Variants in SMARCA4 observed in about 807,000 individuals in gnomAD.
SMARCA4 encodes the protein SWI/SNF-related matrix-associated actin-dependent regulator of chromatin subfamily A member 4.
A neutral mutation model predicts 193.9 loss-of-function variants in SMARCA4; 31 were observed. That is an observed-to-expected ratio of 0.16 (90% CI 0.12 to 0.22). The LOEUF (loss-of-function observed/expected upper bound fraction) is 0.22, where lower values mean the gene tolerates loss of function less well. Among genes scored for constraint, SMARCA4 ranks in the 10% least tolerant of loss-of-function variants. The pLI, the probability that SMARCA4 is intolerant of heterozygous loss-of-function variation, is 1.00. For synonymous variants in SMARCA4, 942 were observed against 933.1 expected, an observed-to-expected ratio of 1.01 and a Z score of -0.17; for missense variants, 1,148 against 2,296.0, an observed-to-expected ratio of 0.50 and a Z score of 10.22.
intron 16 of SMARCA4, chr19:11,018,428 C>G: frequency 3.7e-6 from 1 of 268,864 alleles, no homozygotes; most frequent in Non-Finnish European, 7.4e-6. Flanking sequence ...AGTTGCCGCT[C>G]CCTCCCATCC....
At chr19:11,008,982 A>G (rs918821092) in intron 14 of SMARCA4, among the ~76,000 whole-genome samples, 1 of 150,456 alleles carries the variant, frequency 6.6e-6, no homozygotes, top group African/African-American at 2.4e-5. Flanking sequence ...TCAAAAAAAA[A>G]AAAAATGTAG....
chr19:10,972,982 G>A (rs568316210), intron 1 of SMARCA4, among the ~76,000 whole-genome samples: 5 of 152,240 alleles, frequency 3.3e-5, no homozygotes, highest in South Asian at 2.1e-4. Context: ...GGCGGTGTGC[G>A]CCTGTAGTTC....
intron 15 of SMARCA4, chr19:11,011,831 A>T (rs1002617369): frequency 6.6e-6 from 1 of 152,226 alleles, no homozygotes; most frequent in East Asian, 1.9e-4. Flanking sequence ...TACTAAGTTC[A>T]GCATGAATAT....
At chr19:11,006,837 G>C (rs2088257980) in intron 13 of SMARCA4, among the ~76,000 whole-genome samples, 1 of 151,950 alleles carries the variant, frequency 6.6e-6, no homozygotes, top group Non-Finnish European at 1.5e-5. Flanking sequence ...TGTAATCCCA[G>C]CACTTTGGGA....
intron 16 of SMARCA4, among the ~76,000 whole-genome samples, chr19:11,015,489 G>A (rs542811014): frequency 6.6e-6 from 1 of 152,280 alleles, no homozygotes; most frequent in East Asian, 1.9e-4. Context: ...TGCCTTAGCG[G>A]GGAAGGCATG....
chr19:11,039,624 A>G (rs2075467331), intron 29 of SMARCA4: 1 of 761,784 alleles, frequency 1.3e-6, no homozygotes, highest in Non-Finnish European at 2.1e-6. Flanking sequence ...ATGCCCCTGA[A>G]CTGTGTACTA....
chr19:11,052,857 A>G (rs1009908396), intron 30 of SMARCA4, among the ~76,000 whole-genome samples: 4 of 152,236 alleles, frequency 2.6e-5, no homozygotes, highest in Middle Eastern at 3.4e-3. Flanking sequence ...GCACTGGGAA[A>G]TGCTCTGGGT....
intron 16 of SMARCA4, 103 bp downstream of exon 16, chr19:11,013,215 T>A: frequency 7.4e-7 from 1 of 1,350,140 alleles, no homozygotes; most frequent in East Asian, 2.5e-5. Flanking sequence ...GTGGCTTAAT[T>A]ACAGAAATTT....
Position 11,019,331 on chromosome 19 carries a change from A to G in SMARCA4, c.2506-260A>G. On this transcript the variant is annotated intron_variant, in intron 17 of 34. Coordinates refer to ENST00000344626, the MANE Select transcript of SMARCA4 (RefSeq NM_003072.5). The surrounding 1 kb of genome is among the most constrained non-coding windows in gnomAD (Gnocchi z 6.1). ...CCTGTCAGCCACCAGGAATGTGCAG[A>G]TGGCGGTGCAGGCTGCGTGGTTCCC... 1 of 605,096 alleles carries G rather than the reference A, an allele frequency of 1.7e-6. No individual in the cohort carries two copies. Among genetic ancestry groups the G allele is most frequent in the Non-Finnish European group, 2.9e-6 (1 of 339,146 alleles). 37.5% of individuals were successfully genotyped at this position (605,096 alleles called of 1,614,324 possible).
Position 11,010,384 on chromosome 19 carries a change from T to C in SMARCA4, c.2127T>C (p.Asn709=), listed in dbSNP as rs1555773230. The C allele has an allele frequency of 3.1e-6, 5 of 1,614,102 alleles. No homozygotes were observed. The highest frequency in any genetic ancestry group is 4.2e-6 in the Non-Finnish European group (5 of 1,180,014). Residue 709 remains asparagine, a synonymous_variant, in exon 15 of 35, where the codon AAT becomes AAC. Transcript: ENST00000344626. ...GGCACCTCCATCTCACTCCCAGGAA[T>C]GCCAAGCAAGATGTCGATGATGAAT... ...SEVDARHIIE[N]AKQDVDDEYG... is the part of the protein sequence containing the mutation.
chr19:11,053,768 A>G lies in SMARCA4; in HGVS notation c.4425-4487A>G, dbSNP rs182430509. ...CTACAAAATATTTTTTAAATTAGCC[A>G]GGTGTTGTGGCGTGTGCCTGTAGTC... On this transcript the variant is annotated intron_variant, in intron 30 of 34. Transcript: ENST00000344626. Among the ~76,000 whole-genome samples, 123 of 152,194 alleles carry G rather than the reference A, an allele frequency of 8.1e-4. 2 individuals carry two copies. Among genetic ancestry groups the G allele is most frequent in the Admixed American group, 3.8e-3 (58 of 15,270 alleles).
At chr19:10,982,783 C>A (rs1351943133) in intron 1 of SMARCA4, among the ~76,000 whole-genome samples, 1 of 152,068 alleles carries the variant, frequency 6.6e-6, no homozygotes, top group Non-Finnish European at 1.5e-5. Context: ...GGATTACAGG[C>A]GTGAGCCACC....
chr19:11,006,186 G>A (rs928400897), intron 13 of SMARCA4, among the ~76,000 whole-genome samples: 4 of 152,292 alleles, frequency 2.6e-5, no homozygotes, highest in Middle Eastern at 3.4e-3. Flanking sequence ...CAACTGTGTT[G>A]TATTTGTAGG....
chr19:10,961,972 ATT>A (rs1291248772), intron 1 of SMARCA4, among the ~76,000 whole-genome samples: 8 of 121,758 alleles, frequency 6.6e-5, no homozygotes, highest in Admixed American at 1.7e-4. Flanking sequence ...ACCAGTCTTG[ATT>A]TTTTTTTTTT....
rs144328801 is a variant in SMARCA4 at position 11,059,983 on chromosome 19, T to A, written c.4769-62T>A. ...AGCCCTCCCGGCTCCCAGACGCCCC[T>A]TGCTGTGGGGGTGCTGCATTCCCAG... On this transcript the variant is annotated intron_variant, in intron 33 of 34. Coordinates refer to ENST00000344626, the MANE Select transcript of SMARCA4 (RefSeq NM_003072.5). The A allele has an allele frequency of 1.3e-3, 2,047 of 1,610,946 alleles. 30 individuals are homozygous for A. The African/African-American group carries it at 0.023, about 18-fold the overall frequency.
intron 30 of SMARCA4, among the ~76,000 whole-genome samples, chr19:11,055,680 A>C (rs1050809140): frequency 6.6e-6 from 1 of 152,216 alleles, no homozygotes; most frequent in Non-Finnish European, 1.5e-5. Context: ...CCATGGCCAC[A>C]GGGCAGGGCG....
chr19:11,048,227 AT>A (rs56925661), intron 30 of SMARCA4, among the ~76,000 whole-genome samples: 58 of 148,396 alleles, frequency 3.9e-4, no homozygotes, highest in African/African-American at 7.2e-4. Context: ...GTTTAATTGG[AT>A]TTTTTTTTTT....
In SMARCA4 at chr19:11,010,383, A is replaced by G. The variant is rs781725960; in HGVS notation, c.2126A>G (p.Asn709Ser). Residue 709 changes from asparagine (N) to serine (S), a missense_variant and splice_region_variant, in exon 15 of 35, where the codon AAT (asparagine) becomes AGT (serine). By Grantham distance (46) the Asn-to-Ser change is conservative. Transcript: ENST00000344626. ...CGGCACCTCCATCTCACTCCCAGGA[A>G]TGCCAAGCAAGATGTCGATGATGAA... ...SEVDARHIIE[N>S]AKQDVDDEYG... is the part of the protein sequence containing the mutation. The G allele has an allele frequency of 6.2e-7, 1 of 1,614,104 alleles. No homozygotes were observed. The highest frequency in any genetic ancestry group is 8.5e-7 in the Non-Finnish European group (1 of 1,180,020).
rs1015858281 is a variant in SMARCA4, at chr19:11,031,614, G to C, written c.3546+721G>C. 7.9e-5 allele frequency: 12 copies of C among 152,382 alleles called. No homozygotes were observed. The highest frequency in any genetic ancestry group is 2.9e-4 in the African/African-American group (12 of 41,432). The allele number at this position is 152,382 out of a possible 1,614,324, so 9.4% of individuals were successfully genotyped here. ...CATGTGCCTCTTCCACCAAGCAGTG[G>C]GTGTCAACCGCCGAGTGCACATCGG... On this transcript the variant is annotated intron_variant, in intron 25 of 34. Transcript: ENST00000344626. This position sits in a 1 kb window ranked among gnomAD's most constrained non-coding sequence, Gnocchi z 4.3.
Sources: gnomAD v4.1 joint callset for allele counts (sites outside exome capture counted in the v4.1 genomes callset) on GRCh38, gnomAD v4.1.1 for gene constraint, Gnocchi (gnomAD v3.1) non-coding constraint, MANE v1.5 for transcripts, NCBI Gene and HGNC (gene_info 2026-07-23, HGNC 2026-07-21) for gene names.